The following PAK5 variants were observed in gnomAD, a reference collection of about 807,000 sequenced individuals.
PAK5 encodes serine/threonine-protein kinase PAK 5.
A neutral mutation model predicts 65.9 loss-of-function variants in PAK5; 16 were observed. The observed-to-expected ratio is 0.24, with a 90% CI of 0.16 to 0.37. The LOEUF is 0.37. Among genes scored for constraint, PAK5 ranks in the 10% least tolerant of loss-of-function variants. The pLI is 1.00. For missense variants in PAK5, 785 were observed against 903.9 expected, an observed-to-expected ratio of 0.87 and a Z score of 1.69; for synonymous variants, 371 against 354.9, an observed-to-expected ratio of 1.05 and a Z score of -0.51.
chr20:9,723,768 A>G (rs1211917814), intron 1 of PAK5, among the ~76,000 whole-genome samples: 3 of 152,162 alleles, frequency 2.0e-5, no homozygotes, highest in Admixed American at 6.5e-5. Flanking sequence ...TCACCTGAGA[A>G]GTATGTGCAA....
intron 3 of PAK5, among the ~76,000 whole-genome samples, chr20:9,641,964 G>A (rs2047073732): frequency 6.6e-6 from 1 of 152,158 alleles, no homozygotes; most frequent in South Asian, 2.1e-4. Flanking sequence ...TCCCACTTGT[G>A]CCTCTCCCTC....
chr20:9,769,509 T>C (rs974718711), intron 1 of PAK5, among the ~76,000 whole-genome samples: 3 of 152,266 alleles, frequency 2.0e-5, no homozygotes, highest in Non-Finnish European at 2.9e-5. Context: ...TAATTTATCA[T>C]GTGGCTATCA....
At chr20:9,541,594 T>A (rs35877759) in intron 9 of PAK5, among the ~76,000 whole-genome samples, 28,548 of 152,106 alleles carry the variant, frequency 0.19, 3,524 homozygotes, top group African/African-American at 0.35. Flanking sequence ...GCCTGGGACC[T>A]TTTTCTCCAA....
chr20:9,642,813 G>T (rs549050823), intron 3 of PAK5, among the ~76,000 whole-genome samples: 9 of 152,140 alleles, frequency 5.9e-5, no homozygotes, highest in African/African-American at 1.2e-4. Flanking sequence ...CCATTTTTTT[G>T]TGTGTGTATG....
At chr20:9,792,516 C>T (rs769303547) in intron 1 of PAK5, among the ~76,000 whole-genome samples, 1 of 152,068 alleles carries the variant, frequency 6.6e-6, no homozygotes, top group African/African-American at 2.4e-5. Flanking sequence ...AGGAAATATC[C>T]AAAAATTGCC....
intron 3 of PAK5, among the ~76,000 whole-genome samples, chr20:9,601,335 G>A (rs1658140067): frequency 6.6e-6 from 1 of 152,144 alleles, no homozygotes; most frequent in Admixed American, 6.5e-5. Context: ...ACCAGAATGG[G>A]GGAAAGAGGT....
At chr20:9,783,032 C>A (rs546819358) in intron 1 of PAK5, among the ~76,000 whole-genome samples, 1 of 151,404 alleles carries the variant, frequency 6.6e-6, no homozygotes, top group African/African-American at 2.4e-5. Flanking sequence ...TAGGTTCAAG[C>A]GATTTTCCTG....
chr20:9,641,334 GC>G (rs1481088274), intron 3 of PAK5, among the ~76,000 whole-genome samples: 1 of 149,120 alleles, frequency 6.7e-6, no homozygotes, highest in African/African-American at 2.5e-5. Context: ...GTTCTCCAAG[GC>G]CCCACCAGAG....
intron 3 of PAK5, among the ~76,000 whole-genome samples, chr20:9,618,978 A>T (rs2046722073): frequency 8.7e-6 from 1 of 114,350 alleles, no homozygotes; most frequent in African/African-American, 3.4e-5. Context: ...GCTGGAGTGC[A>T]GTGATGGGAT....
In PAK5 at chr20:9,542,633, G is replaced by T; in HGVS notation, c.1957C>A (p.Arg653=). Residue 653 remains arginine, a synonymous_variant, in exon 9 of 10, where the codon CGG becomes AGG. Coordinates refer to ENST00000353224, the MANE Select transcript of PAK5 (RefSeq NM_177990.4). ...YFNEPPLQAM[R]RIRDSLPPRV... The stretch of plus-strand genomic sequence containing the variant: ...GGAGGTAAACTGTCCCGGATCCTCC[G>T]CATCGCCTGGAGGGGAGGCTCATTG... 2 of 1,613,324 alleles carry T rather than the reference G, an allele frequency of 1.2e-6. No homozygotes were observed. Among genetic ancestry groups the T allele is most frequent in the Admixed American group, 1.7e-5 (1 of 60,016 alleles).
At position 9,820,271 on chromosome 20, in the gene PAK5, T is replaced by A. The variant is rs1359021812; in HGVS notation, c.-162+18491A>T. ...AATGAATTTGAGAGTTAGAAATAAG[T>A]AGAAGGAAAGCTTATTTTCTTTAAA... On this transcript the variant is annotated intron_variant, in intron 1 of 9. Coordinates refer to ENST00000353224, the MANE Select transcript of PAK5 (RefSeq NM_177990.4). 2.6e-5 allele frequency among the ~76,000 whole-genome samples: 4 copies of A among 152,240 alleles called. No homozygotes were observed. In the South Asian group the frequency reaches 6.2e-4, roughly 24 times the overall value.
chr20:9,674,509 T>A (rs530497453), intron 2 of PAK5, among the ~76,000 whole-genome samples: 1 of 152,328 alleles, frequency 6.6e-6, no homozygotes, highest in African/African-American at 2.4e-5. Context: ...GACATTTCTT[T>A]GACATTGGAA....
chr20:9,829,064 T>A (rs1407849859), intron 1 of PAK5, among the ~76,000 whole-genome samples: 1 of 152,212 alleles, frequency 6.6e-6, no homozygotes, highest in Non-Finnish European at 1.5e-5. Context: ...GGCAATTCCA[T>A]TGAAAATTAG....
intron 2 of PAK5, among the ~76,000 whole-genome samples, chr20:9,703,718 A>G (rs1352112032): frequency 6.6e-6 from 1 of 151,072 alleles, no homozygotes; most frequent in Non-Finnish European, 1.5e-5. Context: ...TCCCCAGTGA[A>G]GTCAATAAGA....
chr20:9,739,598 G>A (rs2048429020), intron 1 of PAK5, among the ~76,000 whole-genome samples: 1 of 152,022 alleles, frequency 6.6e-6, no homozygotes, highest in African/African-American at 2.4e-5. Context: ...TTTTCCAAAA[G>A]CTAAATGACA....
intron 1 of PAK5, among the ~76,000 whole-genome samples, chr20:9,827,435 A>G (rs1196679040): frequency 6.6e-6 from 1 of 152,170 alleles, no homozygotes. Context: ...ATCCATAGAC[A>G]TTTATTAAAG....
chr20:9,835,711 G>C (rs1979095972), intron 1 of PAK5, among the ~76,000 whole-genome samples: 1 of 152,090 alleles, frequency 6.6e-6, no homozygotes, highest in Admixed American at 6.5e-5. Flanking sequence ...TGTATTTAGA[G>C]ATCTATAGAG....
At chr20:9,648,870 G>A (rs868239894) in intron 2 of PAK5, among the ~76,000 whole-genome samples, 11 of 152,258 alleles carry the variant, frequency 7.2e-5, no homozygotes, top group Middle Eastern at 6.8e-3. Context: ...CTTGGGTCCT[G>A]TCATGTCTCT....
chr20:9,770,727 A>T (rs2048823634), intron 1 of PAK5, among the ~76,000 whole-genome samples: 1 of 152,168 alleles, frequency 6.6e-6, no homozygotes. Context: ...GAAGAGAGTG[A>T]GAGACAACAG....
Sources: gnomAD v4.1 joint callset for allele counts (sites outside exome capture counted in the v4.1 genomes callset) on GRCh38, gnomAD v4.1.1 for gene constraint, MANE v1.5 for transcripts, NCBI Gene and HGNC (gene_info 2026-07-23, HGNC 2026-07-21) for gene names.